The following UGT1A7 variants were observed in gnomAD, a reference collection of about 807,000 sequenced individuals.
UGT1A7 encodes UDP-glucuronosyltransferase 1A7.
Under a neutral mutation model 45.6 loss-of-function variants are expected in UGT1A7, and 33 were observed. The ratio of observed to expected loss-of-function variants is 0.72; its 90% CI spans 0.55 to 0.97. UGT1A7 has a LOEUF of 0.97. UGT1A7 is among the 50% of genes least tolerant of loss of function. UGT1A7 has a pLI of 0.00. For missense variants in UGT1A7, 684 were observed against 666.2 expected (o/e 1.03, Z -0.29); for synonymous variants, 274 against 250.6 (o/e 1.09, Z -0.88).
At chr2:233,742,441 G>A (rs1332580930) in intron 1 of UGT1A7, among the ~76,000 whole-genome samples, 1 of 151,942 alleles carries the variant, frequency 6.6e-6, no homozygotes, top group African/African-American at 2.4e-5. Flanking sequence ...CCCTGGGTGG[G>A]CCAGGTGTTC....
intron 1 of UGT1A7, among the ~76,000 whole-genome samples, chr2:233,766,030 T>C (rs1699031602): frequency 6.6e-6 from 1 of 152,104 alleles, no homozygotes; most frequent in Non-Finnish European, 1.5e-5. Context: ...AGTTTTGCCC[T>C]CTATAGTCAG....
intron 1 of UGT1A7, chr2:233,730,098 T>G: frequency 6.3e-7 from 1 of 1,586,492 alleles, no homozygotes; most frequent in East Asian, 2.3e-5. Flanking sequence ...TTCCAAATAT[T>G]TCATTTCTGC....
chr2:233,698,259 T>C (rs1450218227), intron 1 of UGT1A7, among the ~76,000 whole-genome samples: 3 of 152,182 alleles, frequency 2.0e-5, no homozygotes, highest in Non-Finnish European at 4.4e-5. Context: ...TTTTGTCCAA[T>C]AATCAAACCA....
chr2:233,700,162 G>A (rs2075547440), intron 1 of UGT1A7, among the ~76,000 whole-genome samples: 1 of 152,192 alleles, frequency 6.6e-6, no homozygotes, highest in Non-Finnish European at 1.5e-5. Flanking sequence ...GTCTTTACAA[G>A]GAATGCTCAT....
chr2:233,767,898 C>A lies in UGT1A7; in HGVS notation c.1037C>A (p.Thr346Lys), dbSNP rs776227074. ...CGACCATCGAATCTTGCGAACAACA[C>A]GATACTTGTTAAGTGGCTACCCCAA... Reference protein sequence around the residue: ...GTRPSNLANNTILVKWLPQND... With the variant: ...GTRPSNLANNKILVKWLPQND... The change falls in exon 3 of 5, where the codon ACG becomes AAG. Residue 346 changes from threonine to lysine, a missense_variant. Thr to Lys is a moderately conservative substitution (Grantham distance 78, BLOSUM62 -1). Coordinates refer to ENST00000373426, the MANE Select transcript of UGT1A7 (RefSeq NM_019077.3). The A allele has an allele frequency of 1.2e-6, 2 of 1,614,152 alleles. No individual in the cohort carries two copies. Among genetic ancestry groups the A allele is most frequent in the Non-Finnish European group, 1.7e-6 (2 of 1,180,048 alleles).
At chr2:233,705,012 T>A (rs544165304) in intron 1 of UGT1A7, among the ~76,000 whole-genome samples, 126 of 152,168 alleles carry the variant, frequency 8.3e-4, no homozygotes, top group Non-Finnish European at 1.5e-3. Flanking sequence ...GGCAGGCGCC[T>A]GTAATCCCAG....
At chr2:233,768,989 C>A (rs947388091) in intron 4 of UGT1A7, among the ~76,000 whole-genome samples, 2 of 152,024 alleles carry the variant, frequency 1.3e-5, no homozygotes, top group African/African-American at 4.8e-5. Context: ...TTATTTCCCC[C>A]ATTAGATTTA....
intron 1 of UGT1A7, chr2:233,693,637 C>T (rs1342546287): frequency 6.2e-7 from 1 of 1,614,222 alleles, no homozygotes. Context: ...GAGTGGCCAA[C>T]TTCCTTGTTA....
intron 1 of UGT1A7, among the ~76,000 whole-genome samples, chr2:233,707,756 ATG>A (rs1340445888): frequency 2.0e-5 from 3 of 152,182 alleles, no homozygotes; most frequent in African/African-American, 4.8e-5. Context: ...TCTGAAACAC[ATG>A]TGAGTGGGTT....
chr2:233,713,149 C>G, intron 1 of UGT1A7: 5 of 1,614,172 alleles, frequency 3.1e-6, no homozygotes, highest in Non-Finnish European at 4.2e-6. Flanking sequence ...GACCTCCATG[C>G]GAGAGGCCAC....
chr2:233,728,996 G>T, intron 1 of UGT1A7: 1 of 1,557,110 alleles, frequency 6.4e-7, no homozygotes, highest in East Asian at 2.3e-5. Context: ...TTAACTAGAG[G>T]AGGGCACTCT....
intron 1 of UGT1A7, among the ~76,000 whole-genome samples, chr2:233,734,753 G>A (rs1356285127): frequency 1.3e-5 from 2 of 152,142 alleles, no homozygotes; most frequent in Non-Finnish European, 2.9e-5. Flanking sequence ...CTTTATTTCT[G>A]CCTTCACTTC....
intron 1 of UGT1A7, chr2:233,719,830 G>T: frequency 6.5e-7 from 1 of 1,548,976 alleles, no homozygotes; most frequent in Non-Finnish European, 8.7e-7. Context: ...CTGTTGAGGG[G>T]CCTAGTGTAT....
chr2:233,683,153 T>C (rs955404472), intron 1 of UGT1A7, among the ~76,000 whole-genome samples: 2 of 152,170 alleles, frequency 1.3e-5, no homozygotes, highest in Non-Finnish European at 2.9e-5. Flanking sequence ...TTGTTTTCAA[T>C]TTTTTTGAAA....
chr2:233,751,166 C>A lies in UGT1A7; in HGVS notation c.856-15868C>A, dbSNP rs1022992608. ...AGCCCACTTCTGGCATCAGCATGAC[C>A]TAGATATGAGACATGAAGTTAAAGG... On this transcript the variant is annotated intron_variant, in intron 1 of 4. Transcript: ENST00000373426. 3.9e-5 allele frequency among the ~76,000 whole-genome samples: 6 copies of A among 151,970 alleles called. 1 individual carries two copies. Among genetic ancestry groups the A allele is most frequent in the African/African-American group, 1.5e-4 (6 of 41,220 alleles).
chr2:233,729,775 C>A (rs775577941), intron 1 of UGT1A7: 2 of 1,613,944 alleles, frequency 1.2e-6, no homozygotes, highest in South Asian at 2.2e-5. Context: ...CATGCTCTAC[C>A]CTCTGGCCCT....
rs555999540 is a variant in UGT1A7 at position 233,720,422 on chromosome 2, G to T, written c.855+37630G>T. 1.8e-4 allele frequency among the ~76,000 whole-genome samples: 28 copies of T among 152,172 alleles called. 1 individual carries two copies. The Middle Eastern group carries it at 0.027, about 148-fold the overall frequency. On this transcript the variant is annotated intron_variant, in intron 1 of 4. Coordinates refer to ENST00000373426, the MANE Select transcript of UGT1A7 (RefSeq NM_019077.3). ...AGTGGGTGGAAGGGACTAGGGAGGA[G>T]ATAAGACCGTGAATCTATAAGCCCA...
intron 1 of UGT1A7, chr2:233,690,977 C>A: frequency 1.0e-6 from 1 of 1,000,132 alleles, no homozygotes; most frequent in Non-Finnish European, 1.2e-6. Flanking sequence ...AAGAACAGGA[C>A]CCACATATGA....
At chr2:233,703,770 A>T (rs919739679) in intron 1 of UGT1A7, among the ~76,000 whole-genome samples, 14 of 151,732 alleles carry the variant, frequency 9.2e-5, no homozygotes, top group African/African-American at 3.1e-4. Flanking sequence ...TGCAGACAAG[A>T]TATTATTAGT....
Sources: gnomAD v4.1 joint callset for allele counts (sites outside exome capture counted in the v4.1 genomes callset) on GRCh38, gnomAD v4.1.1 for gene constraint, MANE v1.5 for transcripts, NCBI Gene and HGNC (gene_info 2026-07-23, HGNC 2026-07-21) for gene names.